AGBL4: variants seen among roughly 807,000 people sequenced by gnomAD.
The protein encoded by AGBL4 is cytosolic carboxypeptidase 6.
A neutral mutation model predicts 66.4 loss-of-function variants in AGBL4; 58 were observed. The ratio of observed to expected loss-of-function variants is 0.87; its 90% CI spans 0.71 to 1.09. AGBL4 has a LOEUF of 1.09. AGBL4 is among the 50% of genes least tolerant of loss of function. The pLI, the probability that AGBL4 is intolerant of heterozygous loss-of-function variation, is 0.00. For synonymous variants in AGBL4, 234 were observed against 222.9 expected (o/e 1.05, Z -0.44); for missense variants, 579 against 631.0 (o/e 0.92, Z 0.88).
At chr1:49,664,959 G>T (rs1319000082) in intron 3 of AGBL4, among the ~76,000 whole-genome samples, 1 of 152,032 alleles carries the variant, frequency 6.6e-6, no homozygotes, top group African/African-American at 2.4e-5. Flanking sequence ...ATATTTCAGT[G>T]AACTAATAAT....
chr1:48,714,393 G>T (rs901291613), intron 6 of AGBL4, among the ~76,000 whole-genome samples: 4 of 152,166 alleles, frequency 2.6e-5, no homozygotes, highest in African/African-American at 9.7e-5. Context: ...ACAAACCGTG[G>T]AGTCATCACT....
chr1:49,424,075 G>T (rs1197526636), intron 3 of AGBL4, among the ~76,000 whole-genome samples: 2 of 152,136 alleles, frequency 1.3e-5, no homozygotes, highest in African/African-American at 4.8e-5. Flanking sequence ...CCTCTGGTCT[G>T]CTAAGAGGCT....
At chr1:49,211,303 C>T (rs1648650036) in intron 4 of AGBL4, among the ~76,000 whole-genome samples, 1 of 152,042 alleles carries the variant, frequency 6.6e-6, no homozygotes, top group South Asian at 2.1e-4. Flanking sequence ...CATCCACAAC[C>T]AACCCACAAT....
At chr1:49,514,219 C>G (rs1649546828) in intron 3 of AGBL4, among the ~76,000 whole-genome samples, 1 of 151,912 alleles carries the variant, frequency 6.6e-6, no homozygotes, top group African/African-American at 2.4e-5. Flanking sequence ...ATTTCCTTCT[C>G]CTGCCTGATT....
intron 3 of AGBL4, among the ~76,000 whole-genome samples, chr1:49,348,194 G>A (rs1300831219): frequency 1.3e-5 from 2 of 151,916 alleles, no homozygotes; most frequent in African/African-American, 4.8e-5. Context: ...TGAGGCAGGC[G>A]GATCACGAGG....
At chr1:48,648,628 T>C (rs1204936402) in intron 8 of AGBL4, among the ~76,000 whole-genome samples, 1 of 152,208 alleles carries the variant, frequency 6.6e-6, no homozygotes, top group Non-Finnish European at 1.5e-5. Context: ...ATGTACCCTA[T>C]GGCCTTGAAC....
intron 6 of AGBL4, among the ~76,000 whole-genome samples, chr1:48,744,769 A>G (rs1570461928): frequency 2.0e-5 from 3 of 152,294 alleles, no homozygotes; most frequent in East Asian, 3.9e-4. Context: ...CATGGCCTCC[A>G]TAAGGCCCAG....
At chr1:49,167,596 GAGTGGCTATAGAAAGAGCAT>G (rs1646657647) in intron 4 of AGBL4, among the ~76,000 whole-genome samples, 2 of 152,192 alleles carry the variant, frequency 1.3e-5, no homozygotes, top group South Asian at 4.1e-4. Flanking sequence ...GAATGAAAAG[GAGTGGCTATAGAAAGAGCAT>G]AGCAGGCCAA....
chr1:49,848,111 AT>A (rs1358144526), intron 2 of AGBL4, among the ~76,000 whole-genome samples: 6 of 152,382 alleles, frequency 3.9e-5, no homozygotes, highest in East Asian at 3.9e-4. Context: ...AAGCAAAAAA[AT>A]AATAGATGTT....
Position 48,533,393 on chromosome 1 carries a change from T to A in AGBL4, c.*780A>T, listed in dbSNP as rs919721943. The A allele has an allele frequency of 6.6e-6, 1 of 152,234 alleles. No individual in the cohort carries two copies. The highest frequency in any genetic ancestry group is 1.5e-5 in the Non-Finnish European group (1 of 68,060). The allele number at this position is 152,234 out of a possible 1,614,324, so 9.4% of individuals were successfully genotyped here. A position where few individuals can be genotyped will look rare whatever the true frequency, so the allele number is the denominator to read the frequency against. ...TCTTCCTTGCCTGGCAATCACCCTTTCCTCATTGCAGATTAGCAATGCCTA... is the reference window on the plus strand; with the variant it reads ...TCTTCCTTGCCTGGCAATCACCCTTACCTCATTGCAGATTAGCAATGCCTA... On this transcript the variant is annotated 3_prime_UTR_variant, in exon 14 of 14. Coordinates refer to ENST00000371839, the MANE Select transcript of AGBL4 (RefSeq NM_032785.4).
chr1:49,553,371 G>T (rs908289925), intron 3 of AGBL4, among the ~76,000 whole-genome samples: 2 of 152,150 alleles, frequency 1.3e-5, no homozygotes, highest in Non-Finnish European at 2.9e-5. Flanking sequence ...GACTTCTCAT[G>T]GTGGATGAGA....
intron 3 of AGBL4, among the ~76,000 whole-genome samples, chr1:49,659,957 G>A (rs930698925): frequency 6.6e-6 from 1 of 151,946 alleles, no homozygotes; most frequent in Non-Finnish European, 1.5e-5. Context: ...AACTCAAGAC[G>A]GATAAAAGAC....
At chr1:48,819,392 G>A (rs916350306) in intron 6 of AGBL4, among the ~76,000 whole-genome samples, 1 of 152,170 alleles carries the variant, frequency 6.6e-6, no homozygotes, top group Non-Finnish European at 1.5e-5. Flanking sequence ...CTCTGAGAAA[G>A]GCTAGAGAGG....
At chr1:49,187,875 C>T (rs886353832) in intron 4 of AGBL4, among the ~76,000 whole-genome samples, 6 of 152,086 alleles carry the variant, frequency 3.9e-5, no homozygotes, top group Non-Finnish European at 7.3e-5. Flanking sequence ...AATTGTAACT[C>T]CCACAATTCT....
At chr1:48,927,093 C>A (rs1654640887) in intron 5 of AGBL4, among the ~76,000 whole-genome samples, 1 of 152,074 alleles carries the variant, frequency 6.6e-6, no homozygotes, top group South Asian at 2.1e-4. Context: ...CCCACTCCCC[C>A]TAAATGGAGG....
At chr1:48,794,926 G>A (rs1462082184) in intron 6 of AGBL4, among the ~76,000 whole-genome samples, 1 of 152,054 alleles carries the variant, frequency 6.6e-6, no homozygotes. Context: ...TCAAACTTTT[G>A]AGAAGCCTGC....
intron 2 of AGBL4, among the ~76,000 whole-genome samples, chr1:49,791,388 G>A (rs1183257593): frequency 1.3e-5 from 2 of 151,930 alleles, no homozygotes; most frequent in Non-Finnish European, 2.9e-5. Flanking sequence ...CCTTAGTGTA[G>A]TTCAATTCTA....
chr1:49,528,436 A>G (rs901270135), intron 3 of AGBL4, among the ~76,000 whole-genome samples: 3 of 152,092 alleles, frequency 2.0e-5, no homozygotes, highest in African/African-American at 7.2e-5. Flanking sequence ...AACTGTTCCA[A>G]GATCCCTCTG....
intron 3 of AGBL4, among the ~76,000 whole-genome samples, chr1:49,466,636 T>C (rs1646637150): frequency 6.6e-6 from 1 of 151,824 alleles, no homozygotes; most frequent in South Asian, 2.1e-4. Flanking sequence ...TCTGGCTCCA[T>C]TGAGTTTATT....
Sources: allele counts gnomAD v4.1 joint callset (sites outside exome capture counted in the v4.1 genomes callset), GRCh38; gene constraint gnomAD v4.1.1; transcripts MANE v1.5; gene names NCBI Gene and HGNC (gene_info 2026-07-23, HGNC 2026-07-21).